SEC24A: variants seen among roughly 807,000 people sequenced by gnomAD.
The protein encoded by SEC24A is protein transport protein Sec24A.
Under a neutral mutation model 129.4 loss-of-function variants are expected in SEC24A, and 93 were observed. The observed-to-expected ratio is 0.72, with a 90% CI of 0.61 to 0.85. The LOEUF is 0.85. Ranked by LOEUF, SEC24A falls within the 40% of genes least tolerant of loss-of-function variation. The pLI is 0.00. For missense variants in SEC24A, 1,264 were observed against 1,307.4 expected, an observed-to-expected ratio of 0.97 and a Z score of 0.51; for synonymous variants, 460 against 467.3, an observed-to-expected ratio of 0.98 and a Z score of 0.20.
rs199840978 is a variant in SEC24A at position 134,697,210 on chromosome 5, C to T, written c.2071C>T (p.Leu691Phe). 2.2e-4 allele frequency: 359 copies of T among 1,605,244 alleles called. 1 individual carries two copies. Among genetic ancestry groups the T allele is most frequent in the Non-Finnish European group, 2.3e-4 (275 of 1,173,788 alleles). Reference protein sequence around the residue: ...SGQQVAVDLFLLSGQYSDLAS... With the variant: ...SGQQVAVDLFFLSGQYSDLAS... ...TCAGCAAGTTGCTGTTGACTTATTC[C>T]TTCTCAGTGGACAGTATTCTGATTT... is the stretch of plus-strand genomic sequence containing the variant. The change falls in exon 14 of 23, where the codon CTT becomes TTT. Residue 691 changes from leucine (L) to phenylalanine (F), a missense_variant. By Grantham distance (22) the Leu-to-Phe change is conservative. Transcript: ENST00000398844.
intron 2 of SEC24A, among the ~76,000 whole-genome samples, chr5:134,665,030 C>T (rs1750609810): frequency 6.6e-6 from 1 of 151,352 alleles, no homozygotes; most frequent in Non-Finnish European, 1.5e-5. Context: ...AAACTCCTGA[C>T]CTTGTGATCC....
Position 134,715,167 on chromosome 5 carries a change from A to T in SEC24A, c.2865+6A>T, listed in dbSNP as rs772501964. 2.0e-5 allele frequency: 32 copies of T among 1,607,504 alleles called. No homozygotes were observed. Among genetic ancestry groups the T allele is most frequent in the Non-Finnish European group, 2.7e-5 (32 of 1,178,198 alleles). On this transcript the variant is annotated splice_donor_region_variant and intron_variant, in intron 19 of 22. Transcript: ENST00000398844. Reference sequence around the variant, plus strand: ...TTGACAATCTCTCAGATGAGGTAAGATGGATTGCTTTTTTGTGGTTTTACT... The same window carrying T: ...TTGACAATCTCTCAGATGAGGTAAGTTGGATTGCTTTTTTGTGGTTTTACT...
In SEC24A at chr5:134,697,936, C is replaced by T. The variant is rs199582005; in HGVS notation, c.2145C>T (p.Tyr715=). 8.6e-4 allele frequency: 1,393 copies of T among 1,613,732 alleles called. 1 individual carries two copies. Among genetic ancestry groups the T allele is most frequent in the Non-Finnish European group, 1.1e-3 (1,331 of 1,179,854 alleles). Residue 715 remains tyrosine (Y), a synonymous_variant, in exon 15 of 23, where the codon TAC becomes TAT. Coordinates refer to ENST00000398844, the MANE Select transcript of SEC24A (RefSeq NM_021982.3). ...GGTATTCAGCAGGTAGTGTCTATTA[C>T]TATCCCTCTTACCATCATCAGCACA... The part of the protein sequence containing the change: ...ISRYSAGSVY[Y]YPSYHHQHNP...
At chr5:134,689,392 A>G (rs1293616512) in intron 11 of SEC24A, among the ~76,000 whole-genome samples, 1 of 152,230 alleles carries the variant, frequency 6.6e-6, no homozygotes, top group African/African-American at 2.4e-5. Flanking sequence ...AGCAATAGCA[A>G]TCATTCACAA....
At chr5:134,653,987 T>C (rs968200069) in intron 1 of SEC24A, among the ~76,000 whole-genome samples, 1 of 151,660 alleles carries the variant, frequency 6.6e-6, no homozygotes, top group Admixed American at 6.6e-5. Context: ...GAAGACCCCA[T>C]ATCTATAAAA....
chr5:134,674,853 G>T, intron 5 of SEC24A, 78 bp downstream of exon 5: 1 of 1,283,540 alleles, frequency 7.8e-7, no homozygotes, highest in Non-Finnish European at 1.1e-6. Context: ...GTTTTAGGAA[G>T]GTATATTATA....
intron 20 of SEC24A, among the ~76,000 whole-genome samples, chr5:134,718,473 TGA>T (rs1561834514): frequency 6.6e-6 from 1 of 152,058 alleles, no homozygotes; most frequent in Non-Finnish European, 1.5e-5. Flanking sequence ...GGCGGGTCCT[TGA>T]GGAGGTATTC....
At chr5:134,677,049 G>A (rs1395309550) in intron 7 of SEC24A, among the ~76,000 whole-genome samples, 2 of 152,122 alleles carry the variant, frequency 1.3e-5, no homozygotes, top group Non-Finnish European at 2.9e-5. Flanking sequence ...TAGTCTCCCC[G>A]TTCTGCCATC....
At position 134,715,093 on chromosome 5, in the gene SEC24A, C is replaced by G; in HGVS notation, c.2797C>G (p.Gln933Glu). 1 of 1,612,464 alleles carries G rather than the reference C, an allele frequency of 6.2e-7. No homozygotes were observed. The highest frequency in any genetic ancestry group is 1.1e-5 in the South Asian group (1 of 90,548). The change falls in exon 19 of 23, where the codon CAG becomes GAG. Residue 933 changes from glutamine to glutamate, a missense_variant. Gln to Glu is a conservative substitution (Grantham distance 29). Coordinates refer to ENST00000398844, the MANE Select transcript of SEC24A (RefSeq NM_021982.3). Reference protein sequence around the residue: ...RIFAMCQVKNQPLVYLMLTTH... With the variant: ...RIFAMCQVKNEPLVYLMLTTH... Reference sequence around the variant, plus strand: ...TTTTGCTATGTGTCAAGTGAAAAACCAGCCCTTGGTTTACCTTATGCTCAC... The same window carrying G: ...TTTTGCTATGTGTCAAGTGAAAAACGAGCCCTTGGTTTACCTTATGCTCAC...
chr5:134,686,995 T>A, intron 10 of SEC24A, 93 bp downstream of exon 10: 1 of 670,080 alleles, frequency 1.5e-6, no homozygotes, highest in Non-Finnish European at 2.4e-6. Context: ...GCTGTATAAT[T>A]ATGTTCTAAA....
intron 15 of SEC24A, among the ~76,000 whole-genome samples, chr5:134,699,915 G>A: frequency 6.6e-6 from 1 of 151,538 alleles, no homozygotes; most frequent in East Asian, 2.0e-4. Context: ...TGGCCAGGCT[G>A]GTCTCAAACT....
intron 6 of SEC24A, 108 bp downstream of exon 6, chr5:134,675,325 G>A: frequency 1.2e-6 from 1 of 813,986 alleles, no homozygotes; most frequent in Non-Finnish European, 1.9e-6. Context: ...ATTTATGAAA[G>A]TTCTGGATAC....
At chr5:134,696,758 A>G (rs539436468) in intron 13 of SEC24A, among the ~76,000 whole-genome samples, 4 of 150,790 alleles carry the variant, frequency 2.7e-5, no homozygotes, top group African/African-American at 7.3e-5. Flanking sequence ...TCGGCCTCCC[A>G]AAGTGCTGGG....
In SEC24A at chr5:134,668,465, C is replaced by T. The variant is rs531527245; in HGVS notation, c.739+1469C>T. On this transcript the variant is annotated intron_variant, in intron 3 of 22. Coordinates refer to ENST00000398844, the MANE Select transcript of SEC24A (RefSeq NM_021982.3). ...TTAAGGCCAGGTGCGGTGGCTCACG[C>T]CTATAATCCCAGCAATTTGGGAGGC... 2.1e-3 allele frequency among the ~76,000 whole-genome samples: 321 copies of T among 152,258 alleles called. 2 individuals carry two copies. The highest frequency in any genetic ancestry group is 7.4e-3 in the African/African-American group (307 of 41,552).
intron 2 of SEC24A, among the ~76,000 whole-genome samples, chr5:134,662,945 C>A (rs1371499763): frequency 6.6e-6 from 1 of 151,962 alleles, no homozygotes; most frequent in African/African-American, 2.4e-5. Context: ...CTGCAGTGAG[C>A]TATGATTGTG....
At chr5:134,709,384 A>G (rs56135324) in intron 18 of SEC24A, among the ~76,000 whole-genome samples, 3,752 of 152,302 alleles carry the variant, frequency 0.025, 60 homozygotes, top group Non-Finnish European at 0.04. Flanking sequence ...AAACTTAGAG[A>G]AAACTGATTC....
chr5:134,667,103 C>A lies in SEC24A; in HGVS notation c.739+107C>A, dbSNP rs79193123. On this transcript the variant is annotated intron_variant, in intron 3 of 22. Coordinates refer to ENST00000398844, the MANE Select transcript of SEC24A (RefSeq NM_021982.3). ...TAAAATCACATTTTTTCCAGAAAAT[C>A]TAGTTTTGGTTAGGGATGGGCTACA... The A allele has an allele frequency of 7.9e-4, 826 of 1,052,204 alleles. 5 individuals are homozygous for A. In the African/African-American group the frequency reaches 0.012, roughly 15 times the overall value. The allele number at this position is 1,052,204 out of a possible 1,614,324, so 65.2% of individuals were successfully genotyped here.
rs1458989283 is a variant in SEC24A, at chr5:134,703,843, G to C, written c.2351G>C (p.Gly784Ala). 6.2e-7 allele frequency: 1 copy of C among 1,613,048 alleles called. No individual in the cohort carries two copies. The highest frequency in any genetic ancestry group is 8.5e-7 in the Non-Finnish European group (1 of 1,179,228). ...LSLPNVNPDA[G>A]YAVQMSVEES... ...TTGCCTAACGTCAACCCAGACGCTG[G>C]GTATGCAGTACAGATGTCAGTGGAA... Residue 784 changes from glycine (G) to alanine (A), a missense_variant, in exon 16 of 23, where the codon GGG becomes GCG. Gly to Ala is a moderately conservative substitution (Grantham distance 60). Transcript: ENST00000398844.
chr5:134,724,874 G>T, intron 22 of SEC24A, 106 bp from the exon 23 acceptor site: 3 of 667,798 alleles, frequency 4.5e-6, no homozygotes, highest in Non-Finnish European at 8.1e-6. Flanking sequence ...AGAAGTAACT[G>T]TTTATATAGT....
Sources: allele counts gnomAD v4.1 joint callset (sites outside exome capture counted in the v4.1 genomes callset), GRCh38; gene constraint gnomAD v4.1.1; transcripts MANE v1.5; gene names NCBI Gene and HGNC (gene_info 2026-07-23, HGNC 2026-07-21).